Variants in RPLP2 observed in about 807,000 individuals in gnomAD.
RPLP2 encodes the protein ribosomal protein lateral stalk subunit P2.
RPLP2 carries 1 observed loss-of-function variant against 11.5 expected under a neutral mutation model. The ratio of observed to expected loss-of-function variants is 0.09; its 90% CI spans 0.03 to 0.41. The LOEUF is 0.41. RPLP2 is among the 10% of genes least tolerant of loss of function. RPLP2 has a pLI of 0.98. For synonymous variants in RPLP2, 82 were observed against 55.9 expected (o/e 1.47, Z -2.08); for missense variants, 177 against 145.6 (o/e 1.22, Z -1.11).
At chr11:811,695 C>T (rs576032900) in intron 3 of RPLP2, 50 bp downstream of exon 3, 2 of 1,610,866 alleles carry the variant, frequency 1.2e-6, no homozygotes, top group Non-Finnish European at 1.7e-6. Flanking sequence ...CCATCCTAAT[C>T]CCTGCCGGTC....
rs773850872 is a variant in RPLP2 at position 810,407 on chromosome 11, A to G, written c.123+50A>G. 4 of 1,560,984 alleles carry G rather than the reference A, an allele frequency of 2.6e-6. No individual in the cohort carries two copies. In the East Asian group the frequency reaches 7.2e-5, roughly 28 times the overall value. On this transcript the variant is annotated intron_variant, in intron 2 of 4. Transcript: ENST00000321153. ...CCGCCGTGGGGCCCCAGTGTCCCAT[A>G]CAGGCGATTCTTCTGCCTGATCCGG...
rs145622642 is a variant in RPLP2 at position 810,251 on chromosome 11, C to G, written c.17C>G (p.Ser6Cys). The G allele has an allele frequency of 1.7e-4, 263 of 1,592,236 alleles. 1 individual carries two copies. The African/African-American group carries it at 2.6e-3, about 16-fold the overall frequency. The part of the protein sequence containing the change: MRYVA[S>C]YLLAALGGNS... ...CGCCTCAGGATGCGCTACGTCGCCTCCTACCTGCTGGCTGCCCTAGGGGGC... is the reference window on the plus strand; with the variant it reads ...CGCCTCAGGATGCGCTACGTCGCCTGCTACCTGCTGGCTGCCCTAGGGGGC... The change falls in exon 2 of 5, where the codon TCC becomes TGC. Residue 6 changes from serine to cysteine, a missense_variant. By Grantham distance (112) the Ser-to-Cys change is moderately radical. Coordinates refer to ENST00000321153, the MANE Select transcript of RPLP2 (RefSeq NM_001004.4).
rs1216992623 is a variant in RPLP2, at chr11:812,604, C to A, written c.242C>A (p.Ala81Asp). The change falls in exon 4 of 5, where the codon GCC (alanine) becomes GAC (aspartate). Residue 81 changes from alanine to aspartate, a missense_variant. Ala to Asp is a moderately radical substitution (Grantham distance 126). Coordinates refer to ENST00000321153, the MANE Select transcript of RPLP2 (RefSeq NM_001004.4). ...VAVSAAPGSA[A>D]PAAGSAPAAA... The stretch of plus-strand genomic sequence containing the variant: ...GTCTCTGCTGCCCCAGGCTCTGCAG[C>A]CCCTGCTGCTGGTTCTGCCCCTGCT... 9.3e-6 allele frequency: 15 copies of A among 1,609,618 alleles called. No homozygotes were observed. Among genetic ancestry groups the A allele is most frequent in the Admixed American group, 1.7e-5 (1 of 60,022 alleles).
rs763905172 is a variant in RPLP2 at position 809,968 on chromosome 11, C to G, written c.-73C>G. On this transcript the variant is annotated 5_prime_UTR_variant, in exon 1 of 5. Transcript: ENST00000321153. ...CCCCGCCTCTTGCGTCGGCGCCTTC[C>G]TTTTCCTCCCTGTCGCCACCGAGGT... The G allele has an allele frequency of 8.1e-6, 3 of 369,616 alleles. No homozygotes were observed. The highest frequency in any genetic ancestry group is 4.3e-5 in the African/African-American group (2 of 47,018). 22.9% of individuals were successfully genotyped at this position (369,616 alleles called of 1,614,324 possible). A position where few individuals can be genotyped will look rare whatever the true frequency, so the allele number is the denominator to read the frequency against.
In RPLP2 at chr11:811,564, T is replaced by C; in HGVS notation, c.124-33T>C. Reference sequence around the variant, plus strand: ...GAGGGCCGGGGATACAATCGTACATTCCTGGTAACAGCCCTGTGATTGTCT... The same window carrying C: ...GAGGGCCGGGGATACAATCGTACATCCCTGGTAACAGCCCTGTGATTGTCT... On this transcript the variant is annotated intron_variant, in intron 2 of 4. Transcript: ENST00000321153. The C allele has an allele frequency of 1.9e-6, 3 of 1,613,998 alleles. No individual in the cohort carries two copies. In the Admixed American group the frequency reaches 5.0e-5, roughly 27 times the overall value.
Position 811,606 on chromosome 11 carries a change from G to A in RPLP2, c.133G>A (p.Glu45Lys). 6.2e-7 allele frequency: 1 copy of A among 1,614,220 alleles called. No individual in the cohort carries two copies. Among genetic ancestry groups the A allele is most frequent in the Non-Finnish European group, 8.5e-7 (1 of 1,180,026 alleles). The change falls in exon 3 of 5, where the codon GAG (glutamate) becomes AAG (lysine). Residue 45 changes from glutamate to lysine, a missense_variant. Coordinates refer to ENST00000321153, the MANE Select transcript of RPLP2 (RefSeq NM_001004.4). Reference sequence around the variant, plus strand: ...TGATTGTCTGCTTCAGGTTATCAGTGAGCTGAATGGAAAAAACATTGAAGA... The same window carrying A: ...TGATTGTCTGCTTCAGGTTATCAGTAAGCTGAATGGAAAAAACATTGAAGA... Reference protein sequence around the residue: ...DDDRLNKVISELNGKNIEDVI... With the variant: ...DDDRLNKVISKLNGKNIEDVI...
chr11:811,007 C>CAA (rs56150719), intron 2 of RPLP2, among the ~76,000 whole-genome samples: 52 of 90,302 alleles, frequency 5.8e-4, no homozygotes, highest in African/African-American at 6.9e-4. Context: ...CCGGTCTCCA[C>CAA]AAAAAAAAAA....
chr11:811,273 C>T (rs1866046500), intron 2 of RPLP2: 1 of 390,810 alleles, frequency 2.6e-6, no homozygotes, highest in Non-Finnish European at 4.8e-6. Flanking sequence ...CAGTGAGATC[C>T]TACCACTGCA....
At chr11:812,142 C>T (rs762341045) in intron 3 of RPLP2, 22 of 380,028 alleles carry the variant, frequency 5.8e-5, no homozygotes, top group Admixed American at 1.2e-4. Flanking sequence ...ATGCATGTGA[C>T]CACGACAGGG....
chr11:810,058 C>T lies in RPLP2; in HGVS notation c.-2+19C>T, dbSNP rs1590165075. 1.2e-5 allele frequency: 9 copies of T among 747,602 alleles called. No homozygotes were observed. In the East Asian group the frequency reaches 2.4e-4, roughly 20 times the overall value. The allele number at this position is 747,602 out of a possible 1,614,324, so 46.3% of individuals were successfully genotyped here. The stretch of plus-strand genomic sequence containing the variant: ...CCGCCGCGTGAGTGTGGTGACCGGG[C>T]CCGGGGTGCCGGCTGGGGACGCGGA... On this transcript the variant is annotated intron_variant, in intron 1 of 4. Transcript: ENST00000321153.
At position 812,616 on chromosome 11, in the gene RPLP2, G is replaced by A. The variant is rs752417109; in HGVS notation, c.254G>A (p.Gly85Asp). Residue 85 changes from glycine (G) to aspartate (D), a missense_variant, in exon 4 of 5, where the codon GGT (glycine) becomes GAT (aspartate). By Grantham distance (94) the Gly-to-Asp change is moderately conservative. Transcript: ENST00000321153. ...AAPGSAAPAAGSAPAAAEEKK... is the reference protein window; with the variant it reads ...AAPGSAAPAADSAPAAAEEKK... ...CCAGGCTCTGCAGCCCCTGCTGCTG[G>A]TTCTGCCCCTGCTGCAGGTAAGTGG... 4 of 1,609,948 alleles carry A rather than the reference G, an allele frequency of 2.5e-6. No homozygotes were observed. The Admixed American group carries it at 6.7e-5, about 27-fold the overall frequency.
rs1226886179 is a variant in RPLP2 at position 810,326 on chromosome 11, G to A, written c.92G>A (p.Gly31Asp). ...ATCAAGAAGATCTTGGACAGCGTGG[G>A]TATCGAGGCGGACGACGACCGGCTC... ...KDIKKILDSVGIEADDDRLNK... is the reference protein window; with the variant it reads ...KDIKKILDSVDIEADDDRLNK... Residue 31 changes from glycine (G) to aspartate (D), a missense_variant, in exon 2 of 5, where the codon GGT becomes GAT. Physicochemically the swap from Gly to Asp is moderately conservative, Grantham distance 94 (BLOSUM62 -1). Transcript: ENST00000321153. 6.2e-7 allele frequency: 1 copy of A among 1,608,412 alleles called. No individual in the cohort carries two copies. Among genetic ancestry groups the A allele is most frequent in the African/African-American group, 1.3e-5 (1 of 74,278 alleles).
chr11:810,601 C>G, intron 2 of RPLP2: 1 of 371,892 alleles, frequency 2.7e-6, no homozygotes, highest in Non-Finnish European at 4.9e-6. Flanking sequence ...CGAGACCAGC[C>G]TGGTAAACAT....
intron 1 of RPLP2, 59 bp from the exon 2 acceptor site, chr11:810,175 T>C: frequency 7.0e-7 from 1 of 1,420,208 alleles, no homozygotes; most frequent in African/African-American, 1.5e-5. Context: ...GGCCCCGGGA[T>C]GGGCCGGCAG....
Position 810,242 on chromosome 11 carries a change from A to G in RPLP2, c.8A>G (p.Tyr3Cys). Reference sequence around the variant, plus strand: ...CTCTCCGCCCGCCTCAGGATGCGCTACGTCGCCTCCTACCTGCTGGCTGCC... The same window carrying G: ...CTCTCCGCCCGCCTCAGGATGCGCTGCGTCGCCTCCTACCTGCTGGCTGCC... Reference protein sequence around the residue: MRYVASYLLAALG... With the variant: MRCVASYLLAALG... The change falls in exon 2 of 5, where the codon TAC (tyrosine) becomes TGC (cysteine). Residue 3 changes from tyrosine to cysteine, a missense_variant. By Grantham distance (194) the Tyr-to-Cys change is radical. Coordinates refer to ENST00000321153, the MANE Select transcript of RPLP2 (RefSeq NM_001004.4). 5.7e-6 allele frequency: 9 copies of G among 1,578,614 alleles called. No individual in the cohort carries two copies. The highest frequency in any genetic ancestry group is 7.7e-6 in the Non-Finnish European group (9 of 1,164,630).
In RPLP2 at chr11:810,321, C is replaced by T; in HGVS notation, c.87C>T (p.Ser29=). 1.9e-6 allele frequency: 3 copies of T among 1,608,748 alleles called. No individual in the cohort carries two copies. Among genetic ancestry groups the T allele is most frequent in the Non-Finnish European group, 2.5e-6 (3 of 1,178,182 alleles). Residue 29 remains serine, a synonymous_variant, in exon 2 of 5, where the codon AGC becomes AGT. Coordinates refer to ENST00000321153, the MANE Select transcript of RPLP2 (RefSeq NM_001004.4). ...AGGACATCAAGAAGATCTTGGACAG[C>T]GTGGGTATCGAGGCGGACGACGACC... ...SAKDIKKILD[S]VGIEADDDRL... is the part of the protein sequence containing the mutation.
At chr11:811,972 C>T in intron 3 of RPLP2, 3 of 528,494 alleles carry the variant, frequency 5.7e-6, no homozygotes, top group Admixed American at 5.4e-5. Context: ...GTCCTTACCA[C>T]ATGCTTTCTG....
At chr11:811,460 C>T in intron 2 of RPLP2, 137 bp from the exon 3 acceptor site, 1 of 965,232 alleles carries the variant, frequency 1.0e-6, no homozygotes, top group Non-Finnish European at 1.6e-6. Flanking sequence ...TGGTGGCTCC[C>T]TTTGGGCAGT....
At chr11:811,406 A>G (rs1224468779) in intron 2 of RPLP2, 191 bp from the exon 3 acceptor site, 4 of 628,998 alleles carry the variant, frequency 6.4e-6, no homozygotes, top group Non-Finnish European at 1.1e-5. Flanking sequence ...TAAGTCTAAG[A>G]AAGCTAGTGT....
Sources: allele counts gnomAD v4.1 joint callset (sites outside exome capture counted in the v4.1 genomes callset), GRCh38; gene constraint gnomAD v4.1.1; transcripts MANE v1.5; gene names NCBI Gene and HGNC (gene_info 2026-07-23, HGNC 2026-07-21).